GRID2: variants seen among roughly 807,000 people sequenced by gnomAD.
GRID2 encodes the protein glutamate receptor ionotropic, delta-2.
GRID2 carries 33 observed loss-of-function variants against 114.8 expected under a neutral mutation model. That is an observed-to-expected ratio of 0.29 (90% CI 0.22 to 0.38). GRID2 has a LOEUF of 0.38. GRID2 is among the 10% of genes least tolerant of loss of function. The pLI, the probability that GRID2 is intolerant of heterozygous loss-of-function variation, is 1.00. For synonymous variants in GRID2, 505 were observed against 449.9 expected, an observed-to-expected ratio of 1.12 and a Z score of -1.55; for missense variants, 1,184 against 1,257.7, an observed-to-expected ratio of 0.94 and a Z score of 0.89.
chr4:92,702,207 T>C (rs1734707708), intron 2 of GRID2: 1 of 152,172 alleles, frequency 6.6e-6, no homozygotes, highest in Non-Finnish European at 1.5e-5. Flanking sequence ...GCCCTCGCCC[T>C]ATAGATGATA....
At chr4:93,659,457 A>G (rs1390880925) in intron 14 of GRID2, among the ~76,000 whole-genome samples, 3 of 152,220 alleles carry the variant, frequency 2.0e-5, no homozygotes, top group Non-Finnish European at 4.4e-5. Context: ...TCATCATATT[A>G]TATTTAACTT....
intron 2 of GRID2, among the ~76,000 whole-genome samples, chr4:92,820,180 G>T (rs1399434215): frequency 6.6e-6 from 1 of 152,108 alleles, no homozygotes; most frequent in Admixed American, 6.6e-5. Context: ...TGGTTTTTAG[G>T]GGAGAGGGCT....
chr4:92,813,829 A>G (rs926847883), intron 2 of GRID2, among the ~76,000 whole-genome samples: 7 of 152,148 alleles, frequency 4.6e-5, no homozygotes, highest in East Asian at 1.9e-4. Context: ...TTAGCTTACC[A>G]GTGTCTATAT....
At chr4:93,493,189 A>G (rs190960038) in intron 12 of GRID2, among the ~76,000 whole-genome samples, 79 of 152,010 alleles carry the variant, frequency 5.2e-4, no homozygotes, top group African/African-American at 1.8e-3. Flanking sequence ...AAATTTATGT[A>G]GTTCACATCT....
chr4:93,353,796 A>G (rs1271654653), intron 8 of GRID2, among the ~76,000 whole-genome samples: 1 of 152,024 alleles, frequency 6.6e-6, no homozygotes, highest in Non-Finnish European at 1.5e-5. Flanking sequence ...CATATTAACA[A>G]TGGCCAAGGG....
intron 14 of GRID2, among the ~76,000 whole-genome samples, chr4:93,742,037 G>C (rs529945855): frequency 1.9e-4 from 29 of 152,086 alleles, no homozygotes; most frequent in Non-Finnish European, 3.5e-4. Context: ...TTGGGAAATA[G>C]AGCAAGGGAA....
At chr4:92,411,851 G>A (rs1332641337) in intron 1 of GRID2, among the ~76,000 whole-genome samples, 1 of 150,982 alleles carries the variant, frequency 6.6e-6, no homozygotes, top group Non-Finnish European at 1.5e-5. Context: ...GACTACAGGC[G>A]CCCGCCACCA....
At chr4:92,737,354 G>T (rs140427235) in intron 2 of GRID2, among the ~76,000 whole-genome samples, 2 of 152,040 alleles carry the variant, frequency 1.3e-5, no homozygotes. Context: ...ATGTGTATGC[G>T]ATTTTGTCAG....
chr4:92,947,462 T>C lies in GRID2; in HGVS notation c.245-137533T>C, dbSNP rs183318980. On this transcript the variant is annotated intron_variant, in intron 2 of 15. Coordinates refer to ENST00000282020, the MANE Select transcript of GRID2 (RefSeq NM_001510.4). The stretch of plus-strand genomic sequence containing the variant: ...TTCCATTTTGTATAGTAGTGACATA[T>C]GTGCTACTTATGGAAGAATAAAGAT... Among the ~76,000 whole-genome samples, 228 of 152,118 alleles carry C rather than the reference T, an allele frequency of 1.5e-3. 1 individual carries two copies. The highest frequency in any genetic ancestry group is 2.1e-3 in the Non-Finnish European group (145 of 67,874).
Position 93,112,825 on chromosome 4 carries a change from C to T in GRID2, c.735+1872C>T, listed in dbSNP as rs531153432. Among the ~76,000 whole-genome samples the T allele has an allele frequency of 2.6e-5, 4 of 152,164 alleles. No individual in the cohort carries two copies. The South Asian group carries it at 8.3e-4, about 32-fold the overall frequency. On this transcript the variant is annotated intron_variant, in intron 4 of 15. Transcript: ENST00000282020. ...TTGGCTTGTAGATGAATTCTTTTTCCAATGTCTATTCACATTTTCTTCTCT... is the reference window on the plus strand; with the variant it reads ...TTGGCTTGTAGATGAATTCTTTTTCTAATGTCTATTCACATTTTCTTCTCT...
chr4:93,277,087 C>A (rs1488446160), intron 8 of GRID2, among the ~76,000 whole-genome samples: 2 of 151,684 alleles, frequency 1.3e-5, no homozygotes, highest in Non-Finnish European at 2.9e-5. Flanking sequence ...TGTTACAGGT[C>A]CCATAGTTGA....
intron 2 of GRID2, among the ~76,000 whole-genome samples, chr4:92,821,695 TA>T (rs1262270302): frequency 6.6e-6 from 1 of 152,096 alleles, no homozygotes; most frequent in Non-Finnish European, 1.5e-5. Context: ...ACCCCCTCAA[TA>T]AGGCACCATA....
chr4:93,758,142 G>A (rs1373755249), intron 14 of GRID2, among the ~76,000 whole-genome samples: 1 of 152,070 alleles, frequency 6.6e-6, no homozygotes, highest in East Asian at 1.9e-4. Context: ...ACTAAAAAAA[G>A]AAAATTGAAG....
intron 3 of GRID2, among the ~76,000 whole-genome samples, chr4:93,106,492 A>T (rs1283862251): frequency 1.3e-5 from 2 of 152,092 alleles, no homozygotes; most frequent in Non-Finnish European, 2.9e-5. Context: ...GACGACGAGC[A>T]TGCACCACCA....
At chr4:92,653,009 T>C (rs1328276936) in intron 2 of GRID2, among the ~76,000 whole-genome samples, 1 of 127,232 alleles carries the variant, frequency 7.9e-6, no homozygotes, top group Non-Finnish European at 1.7e-5. Flanking sequence ...TATAAATACA[T>C]ATATATACTT....
chr4:92,728,164 C>T (rs1736151391), intron 2 of GRID2, among the ~76,000 whole-genome samples: 2 of 152,078 alleles, frequency 1.3e-5, no homozygotes, highest in Middle Eastern at 3.4e-3. Context: ...GAATATTTTG[C>T]TTGAGGGTAT....
intron 1 of GRID2, among the ~76,000 whole-genome samples, chr4:93,780,808 C>A (rs1390750799): frequency 6.6e-6 from 1 of 152,166 alleles, no homozygotes; most frequent in Non-Finnish European, 1.5e-5. Flanking sequence ...AAGGGAGAAA[C>A]AGGCTCTTAA....
intron 8 of GRID2, among the ~76,000 whole-genome samples, chr4:93,310,048 GA>G (rs1282016184): frequency 6.6e-6 from 1 of 152,108 alleles, no homozygotes; most frequent in African/African-American, 2.4e-5. Flanking sequence ...TATTCCACTA[GA>G]AGGGGGTAAT....
chr4:93,124,017 T>G, intron 4 of GRID2, among the ~76,000 whole-genome samples: 1 of 149,924 alleles, frequency 6.7e-6, no homozygotes, highest in Non-Finnish European at 1.5e-5. Context: ...GATGACACGT[T>G]AGTGGGTGCA....
Sources: gnomAD v4.1 joint callset for allele counts (sites outside exome capture counted in the v4.1 genomes callset) on GRCh38, gnomAD v4.1.1 for gene constraint, MANE v1.5 for transcripts, NCBI Gene and HGNC (gene_info 2026-07-23, HGNC 2026-07-21) for gene names.